C5orf24: variants seen among roughly 807,000 people sequenced by gnomAD.
C5orf24 encodes the protein UPF0461 protein C5orf24.
C5orf24 carries 4 observed loss-of-function variants against 9.8 expected under a neutral mutation model. The observed-to-expected ratio is 0.41, with a 90% CI of 0.20 to 0.93. C5orf24 has a LOEUF of 0.93. C5orf24 is among the 40% of genes least tolerant of loss of function. C5orf24 has a pLI of 0.33. For synonymous variants in C5orf24, 73 were observed against 81.3 expected (o/e 0.90, Z 0.55); for missense variants, 170 against 236.9 (o/e 0.72, Z 1.85).
rs1756393732 is a variant in C5orf24 at position 134,859,541 on chromosome 5, T to G, written c.*4074T>G. 6.0e-6 allele frequency: 1 copy of G among 167,040 alleles called. No homozygotes were observed. The highest frequency in any genetic ancestry group is 1.5e-5 in the Non-Finnish European group (1 of 68,112). The allele number at this position is 167,040 out of a possible 1,614,324, so 10.3% of individuals were successfully genotyped here. A position where few individuals can be genotyped will look rare whatever the true frequency, so the allele number is the denominator to read the frequency against. On this transcript the variant is annotated 3_prime_UTR_variant, in exon 2 of 2. Transcript: ENST00000394976. ...CCACAGGTAATTTTGGAGAAAATAATTACCAATTAACTGATAATAAGCACG... is the reference window on the plus strand; with the variant it reads ...CCACAGGTAATTTTGGAGAAAATAAGTACCAATTAACTGATAATAAGCACG...
intron 1 of C5orf24, among the ~76,000 whole-genome samples, chr5:134,847,673 T>G (rs1367414096): frequency 6.6e-6 from 1 of 151,682 alleles, no homozygotes; most frequent in African/African-American, 2.4e-5. Context: ...TTCTATTCAG[T>G]CCACGCTGTC....
the C5orf24 span, among the ~76,000 whole-genome samples, chr5:134,840,578 A>G: frequency 6.6e-6 from 1 of 152,002 alleles, no homozygotes; most frequent in East Asian, 1.9e-4. Flanking sequence ...CTGTCATTCA[A>G]TCTGAAGTAC....
intron 1 of C5orf24, among the ~76,000 whole-genome samples, chr5:134,853,772 A>G (rs971759674): frequency 1.3e-5 from 2 of 152,158 alleles, no homozygotes; most frequent in Non-Finnish European, 2.9e-5. Context: ...TTTTGTCTTG[A>G]TAAATACACC....
chr5:134,844,981 C>T (rs1264263530), upstream of C5orf24, among the ~76,000 whole-genome samples: 1 of 152,200 alleles, frequency 6.6e-6, no homozygotes, highest in African/African-American at 2.4e-5. Context: ...CGTGATCTGC[C>T]CGCCTCGGCC....
chr5:134,856,283 C>T lies in C5orf24; in HGVS notation c.*816C>T, dbSNP rs975354753. ...TTCATATAATAGAAAAAGAAGCATTCTCTAGGTTTGCATGTAGCTATAGTC... is the reference window on the plus strand; with the variant it reads ...TTCATATAATAGAAAAAGAAGCATTTTCTAGGTTTGCATGTAGCTATAGTC... On this transcript the variant is annotated 3_prime_UTR_variant, in exon 2 of 2. Coordinates refer to ENST00000394976, the MANE Select transcript of C5orf24 (RefSeq NM_001135586.1). 1.9e-5 allele frequency: 19 copies of T among 994,924 alleles called. No individual in the cohort carries two copies. Among genetic ancestry groups the T allele is most frequent in the Non-Finnish European group, 2.3e-5 (19 of 825,328 alleles). 61.6% of individuals were successfully genotyped at this position (994,924 alleles called of 1,614,324 possible). A position where few individuals can be genotyped will look rare whatever the true frequency, so the allele number is the denominator to read the frequency against.
upstream of C5orf24, among the ~76,000 whole-genome samples, chr5:134,844,473 C>T (rs1755944683): frequency 6.6e-6 from 1 of 152,164 alleles, no homozygotes; most frequent in Non-Finnish European, 1.5e-5. Flanking sequence ...GCCTCCGTAG[C>T]AGCTGGCACT....
Position 134,856,700 on chromosome 5 carries a change from G to C in C5orf24, c.*1233G>C, listed in dbSNP as rs999133497. ...ATAAATAAAACCATTTATTGATGTT[G>C]CTCATTTATTTGGAACGTTTTTAGT... On this transcript the variant is annotated 3_prime_UTR_variant, in exon 2 of 2. Coordinates refer to ENST00000394976, the MANE Select transcript of C5orf24 (RefSeq NM_001135586.1). 1 of 964,726 alleles carries C rather than the reference G, an allele frequency of 1.0e-6. No individual in the cohort carries two copies. Among genetic ancestry groups the C allele is most frequent in the African/African-American group, 1.8e-5 (1 of 56,294 alleles). 59.8% of individuals were successfully genotyped at this position (964,726 alleles called of 1,614,324 possible). A position where few individuals can be genotyped will look rare whatever the true frequency, so the allele number is the denominator to read the frequency against.
intron 1 of C5orf24, among the ~76,000 whole-genome samples, chr5:134,849,601 A>G (rs1389654960): frequency 1.3e-5 from 2 of 149,440 alleles, no homozygotes; most frequent in East Asian, 2.0e-4. Flanking sequence ...GAAGGAATAT[A>G]TAGAACATAC....
chr5:134,835,328 A>AG, the C5orf24 span, among the ~76,000 whole-genome samples: 1 of 152,164 alleles, frequency 6.6e-6, no homozygotes, highest in African/African-American at 2.4e-5. Flanking sequence ...TGGTCTCCAA[A>AG]GTGGGGTACG....
upstream of C5orf24, among the ~76,000 whole-genome samples, chr5:134,843,916 ATTGTC>A (rs1755936063): frequency 6.6e-6 from 1 of 152,192 alleles, no homozygotes; most frequent in South Asian, 2.1e-4. Flanking sequence ...CAAGGAAGAC[ATTGTC>A]TTAATTTCTT....
At chr5:134,838,580 A>G in the C5orf24 span, among the ~76,000 whole-genome samples, 535 of 152,176 alleles carry the variant, frequency 3.5e-3, 3 homozygotes, top group African/African-American at 0.012. Flanking sequence ...TGAGAGGAGA[A>G]TCAGTGAGCC....
rs1756297894 is a variant in C5orf24 at position 134,855,902 on chromosome 5, T to G, written c.*435T>G. 9.9e-7 allele frequency: 1 copy of G among 1,013,174 alleles called. No individual in the cohort carries two copies. Among genetic ancestry groups the G allele is most frequent in the Non-Finnish European group, 1.2e-6 (1 of 839,398 alleles). 62.8% of individuals were successfully genotyped at this position (1,013,174 alleles called of 1,614,324 possible). A position where few individuals can be genotyped will look rare whatever the true frequency, so the allele number is the denominator to read the frequency against. ...AGCAAACTAATGAATCAGGATTACT[T>G]GAGGTAATGGCTGTGTGAGTTTTTG... is the stretch of plus-strand genomic sequence containing the variant. On this transcript the variant is annotated 3_prime_UTR_variant, in exon 2 of 2. Transcript: ENST00000394976.
chr5:134,847,356 C>T (rs1756024004), intron 1 of C5orf24, among the ~76,000 whole-genome samples: 2 of 152,144 alleles, frequency 1.3e-5, no homozygotes, highest in African/African-American at 2.4e-5. Flanking sequence ...AGTACAGTGG[C>T]GCGATCGCGG....
chr5:134,840,489 C>CT, the C5orf24 span, among the ~76,000 whole-genome samples: 1 of 151,936 alleles, frequency 6.6e-6, no homozygotes, highest in Non-Finnish European at 1.5e-5. Context: ...GTCCTCCCTC[C>CT]TTAGCCTCTC....
At chr5:134,846,566 T>C (rs955427152) in intron 1 of C5orf24, 1 of 152,240 alleles carries the variant, frequency 6.6e-6, no homozygotes, top group Admixed American at 6.5e-5. Flanking sequence ...TAGCGGCTTA[T>C]GAATTTTGCT....
the C5orf24 span, among the ~76,000 whole-genome samples, chr5:134,835,944 C>T: frequency 2.6e-5 from 4 of 152,004 alleles, no homozygotes; most frequent in African/African-American, 9.7e-5. Context: ...GGCAATCCTC[C>T]TTCCTCTACT....
chr5:134,858,410 T>C lies in C5orf24; in HGVS notation c.*2943T>C, dbSNP rs949754185. On this transcript the variant is annotated 3_prime_UTR_variant, in exon 2 of 2. Transcript: ENST00000394976. Reference sequence around the variant, plus strand: ...ATTTTGTTAACACTGTCTCTTGTTATGATAAACACTGAAATAGCATGTTAA... The same window carrying C: ...ATTTTGTTAACACTGTCTCTTGTTACGATAAACACTGAAATAGCATGTTAA... 1.2e-5 allele frequency: 2 copies of C among 166,902 alleles called. No individual in the cohort carries two copies. Among genetic ancestry groups the C allele is most frequent in the Non-Finnish European group, 2.9e-5 (2 of 68,124 alleles). 10.3% of individuals were successfully genotyped at this position (166,902 alleles called of 1,614,324 possible).
chr5:134,857,150 A>C lies in C5orf24; in HGVS notation c.*1683A>C. On this transcript the variant is annotated 3_prime_UTR_variant, in exon 2 of 2. Transcript: ENST00000394976. ...CTAAATAAAATATTATAAACTTCAG[A>C]CTTGAAAAAATTCCACTTAACTTTA... 1 of 1,315,126 alleles carries C rather than the reference A, an allele frequency of 7.6e-7. No individual in the cohort carries two copies. Among genetic ancestry groups the C allele is most frequent in the Non-Finnish European group, 9.8e-7 (1 of 1,021,038 alleles). The allele number at this position is 1,315,126 out of a possible 1,614,324, so 81.5% of individuals were successfully genotyped here. A position where few individuals can be genotyped will look rare whatever the true frequency, so the allele number is the denominator to read the frequency against.
At chr5:134,849,815 G>A (rs1464236110) in intron 1 of C5orf24, among the ~76,000 whole-genome samples, 1 of 151,652 alleles carries the variant, frequency 6.6e-6, no homozygotes, top group Non-Finnish European at 1.5e-5. Context: ...ATGCCTCCAT[G>A]CCCAGCTAAT....
Sources: allele counts gnomAD v4.1 joint callset (sites outside exome capture counted in the v4.1 genomes callset), GRCh38; gene constraint gnomAD v4.1.1; transcripts MANE v1.5; gene names NCBI Gene and HGNC (gene_info 2026-07-23, HGNC 2026-07-21).